The following LAMC3 variants were observed in gnomAD, a reference collection of about 807,000 sequenced individuals.
LAMC3 encodes laminin subunit gamma-3.
LAMC3 carries 128 observed loss-of-function variants against 173.8 expected under a neutral mutation model. The observed-to-expected ratio is 0.74, with a 90% CI of 0.64 to 0.85. The LOEUF (loss-of-function observed/expected upper bound fraction) is 0.85, where lower values mean the gene tolerates loss of function less well. Among genes scored for constraint, LAMC3 ranks in the 40% least tolerant of loss-of-function variants. The pLI is 0.00. For missense variants in LAMC3, 2,022 were observed against 2,156.0 expected (o/e 0.94, Z 1.23); for synonymous variants, 897 against 909.1 (o/e 0.99, Z 0.24).
In LAMC3 at chr9:131,062,345, G is replaced by T. The variant is rs188177315; in HGVS notation, c.2347+1122G>T. ...CACTGCACTCCAGCCGGGGCAACAA[G>T]AGTGAAACTCTGTCTCAAAAAATAA... On this transcript the variant is annotated intron_variant, in intron 13 of 27. Coordinates refer to ENST00000361069, the MANE Select transcript of LAMC3 (RefSeq NM_006059.4). 5.3e-5 allele frequency among the ~76,000 whole-genome samples: 8 copies of T among 151,892 alleles called. No individual in the cohort carries two copies. In the East Asian group the frequency reaches 1.6e-3, roughly 30 times the overall value.
chr9:131,091,867 G>C lies in LAMC3; in HGVS notation c.*80G>C, dbSNP rs760296123. The C allele has an allele frequency of 1.7e-5, 26 of 1,548,556 alleles. No individual in the cohort carries two copies. The highest frequency in any genetic ancestry group is 2.0e-5 in the Non-Finnish European group (23 of 1,140,044). ...GGGGTGCACACTACCCCACAGGTGTGCCCATACAGACATTCCCCGGAGCCG... is the reference window on the plus strand; with the variant it reads ...GGGGTGCACACTACCCCACAGGTGTCCCCATACAGACATTCCCCGGAGCCG... On this transcript the variant is annotated 3_prime_UTR_variant, in exon 28 of 28. Transcript: ENST00000361069.
intron 3 of LAMC3, among the ~76,000 whole-genome samples, chr9:131,034,987 G>T (rs944693528): frequency 6.6e-6 from 1 of 151,628 alleles, no homozygotes; most frequent in Non-Finnish European, 1.5e-5. Flanking sequence ...TTTTGCTCTC[G>T]TTGCCCAGGC....
In LAMC3 at chr9:131,048,971, C is replaced by T. The variant is rs2275138; in HGVS notation, c.1520-49C>T. On this transcript the variant is annotated intron_variant, in intron 8 of 27. Transcript: ENST00000361069. ...ACCTGGGGCTGGCACCTGGAGACCA[C>T]CCTCCGGGGCCTCACACTGATCGGG... 0.14 allele frequency: 173,048 copies of T among 1,244,018 alleles called. 13,151 individuals are homozygous for T. Among genetic ancestry groups the T allele is most frequent in the African/African-American group, 0.28 (18,363 of 66,398 alleles). 77.1% of individuals were successfully genotyped at this position (1,244,018 alleles called of 1,614,324 possible). A position where few individuals can be genotyped will look rare whatever the true frequency, so the allele number is the denominator to read the frequency against.
chr9:131,080,217 C>G (rs1830213331), intron 23 of LAMC3: 1 of 149,808 alleles, frequency 6.7e-6, no homozygotes. Flanking sequence ...CTTAAGTGAT[C>G]CACCTGCCTC....
At chr9:131,066,842 G>T in intron 13 of LAMC3, 118 bp from the exon 14 acceptor site, 1 of 1,407,054 alleles carries the variant, frequency 7.1e-7, no homozygotes, top group Non-Finnish European at 9.8e-7. Flanking sequence ...AGGTCCTCCT[G>T]CCCAAGCCCG....
At chr9:131,077,433 T>C (rs1220731350) in intron 22 of LAMC3, 99 bp downstream of exon 22, 14 of 1,496,672 alleles carry the variant, frequency 9.4e-6, no homozygotes, top group Admixed American at 7.0e-5. Context: ...TCGCAGCACT[T>C]TGGGAGGCCG....
In LAMC3 at chr9:131,085,530, A is replaced by G; in HGVS notation, c.4037A>G (p.Lys1346Arg). Residue 1346 changes from lysine to arginine, a missense_variant, in exon 25 of 28, where the codon AAG (lysine) becomes AGG (arginine). Lys to Arg is a conservative substitution (Grantham distance 26, BLOSUM62 2). Transcript: ENST00000361069. ...RTLLADLEGM[K>R]LQFPRPKDQA... is the part of the protein sequence containing the mutation. Reference sequence around the variant, plus strand: ...GCCTCAGCCGGGTTTGCAGGAATGAAGCTGCAGTTTCCCCGGCCCAAGGAC... The same window carrying G: ...GCCTCAGCCGGGTTTGCAGGAATGAGGCTGCAGTTTCCCCGGCCCAAGGAC... 3.7e-6 allele frequency: 6 copies of G among 1,613,900 alleles called. No homozygotes were observed. In the South Asian group the frequency reaches 6.6e-5, roughly 18 times the overall value.
At chr9:131,047,876 A>G (rs533722238) in intron 8 of LAMC3, among the ~76,000 whole-genome samples, 148 of 151,248 alleles carry the variant, frequency 9.8e-4, no homozygotes, top group African/African-American at 3.4e-3. Flanking sequence ...AAAAAAGAAA[A>G]CAAGTAGTTT....
chr9:131,032,306 C>T (rs1203309616), intron 3 of LAMC3, 131 bp downstream of exon 3: 7 of 823,438 alleles, frequency 8.5e-6, no homozygotes. Context: ...GGAGGGAGCA[C>T]CTGCCATTCG....
intron 1 of LAMC3, among the ~76,000 whole-genome samples, chr9:131,010,898 C>T (rs1220439571): frequency 6.6e-6 from 1 of 152,234 alleles, no homozygotes; most frequent in African/African-American, 2.4e-5. Flanking sequence ...AGCCCGATTC[C>T]CATGTCCTCT....
chr9:131,028,181 G>C (rs901923831), intron 2 of LAMC3, among the ~76,000 whole-genome samples: 3 of 152,210 alleles, frequency 2.0e-5, no homozygotes, highest in Non-Finnish European at 4.4e-5. Context: ...AGGAGCAACT[G>C]GGTTGCGTGT....
intron 1 of LAMC3, chr9:131,021,177 C>T (rs760250274): frequency 2.6e-5 from 4 of 152,144 alleles, no homozygotes; most frequent in Admixed American, 6.6e-5. Flanking sequence ...TTCCTGGATT[C>T]CTCTATTCAA....
At chr9:131,087,407 G>A (rs1005956719) in intron 25 of LAMC3, 69 bp from the exon 26 acceptor site, 2 of 1,576,772 alleles carry the variant, frequency 1.3e-6, no homozygotes, top group African/African-American at 1.3e-5. Context: ...ATTGCCATAA[G>A]AGCTATTTAC....
Position 131,045,529 on chromosome 9 carries a change from G to A in LAMC3, c.1388G>A (p.Arg463His), listed in dbSNP as rs201483086. ...NVEGNLCDRC[R>H]PGTFNLQPHN... Reference sequence around the variant, plus strand: ...ATGTCCTGCCTCCATTTCAGATGTCGCCCGGGGACCTTTAACCTGCAGCCC... The same window carrying A: ...ATGTCCTGCCTCCATTTCAGATGTCACCCGGGGACCTTTAACCTGCAGCCC... The change falls in exon 8 of 28, where the codon CGC becomes CAC. Residue 463 changes from arginine to histidine, a missense_variant. Physicochemically the swap from Arg to His is conservative, Grantham distance 29. Transcript: ENST00000361069. 6.2e-6 allele frequency: 10 copies of A among 1,613,358 alleles called. No individual in the cohort carries two copies. The highest frequency in any genetic ancestry group is 3.3e-5 in the Admixed American group (2 of 60,008).
chr9:131,032,524 C>G (rs1443799452), intron 3 of LAMC3, among the ~76,000 whole-genome samples: 1 of 147,140 alleles, frequency 6.8e-6, no homozygotes, highest in East Asian at 2.0e-4. Context: ...CTCTCTTGCT[C>G]TCTCTCGCTG....
chr9:131,037,564 C>G (rs1833969403), intron 4 of LAMC3, among the ~76,000 whole-genome samples: 1 of 152,180 alleles, frequency 6.6e-6, no homozygotes, highest in Non-Finnish European at 1.5e-5. Context: ...AGTGCAGTGG[C>G]CCAATCATAG....
At chr9:131,018,597 A>G (rs1460787839) in intron 1 of LAMC3, among the ~76,000 whole-genome samples, 1 of 152,146 alleles carries the variant, frequency 6.6e-6, no homozygotes, top group Non-Finnish European at 1.5e-5. Flanking sequence ...TGGTGGTGAC[A>G]CTGCTTGGGA....
chr9:131,068,976 GC>G lies in LAMC3; in HGVS notation c.2819del (p.Pro940GlnfsTer81), dbSNP rs1170064033. 3.1e-6 allele frequency: 5 copies of G among 1,613,886 alleles called. No homozygotes were observed. The highest frequency in any genetic ancestry group is 4.2e-6 in the Non-Finnish European group (5 of 1,179,950). On this transcript the variant is annotated frameshift_variant, in exon 16 of 28. Coordinates refer to ENST00000361069, the MANE Select transcript of LAMC3 (RefSeq NM_006059.4). LOFTEE classifies it high-confidence loss of function. ...CHPKTGQCTC[R>X]PGVTGQACDR... ...CCCAAGACTGGACAGTGCACCTGCC[GC>G]CCAGGTGTCACAGGCCAGGCCTGTG...
chr9:131,034,841 G>T (rs955168584), intron 3 of LAMC3, among the ~76,000 whole-genome samples: 1 of 152,234 alleles, frequency 6.6e-6, no homozygotes, highest in South Asian at 2.1e-4. Flanking sequence ...GATTCCACCT[G>T]TCTCTTGATC....
Sources: gnomAD v4.1 joint callset for allele counts (sites outside exome capture counted in the v4.1 genomes callset) on GRCh38, gnomAD v4.1.1 for gene constraint, MANE v1.5 for transcripts, NCBI Gene and HGNC (gene_info 2026-07-23, HGNC 2026-07-21) for gene names.